Variants in ARHGAP29 observed in about 807,000 individuals in gnomAD.
ARHGAP29 encodes rho GTPase-activating protein 29.
ARHGAP29 carries 43 observed loss-of-function variants against 122.6 expected under a neutral mutation model. The ratio of observed to expected loss-of-function variants is 0.35; its 90% CI spans 0.27 to 0.45. ARHGAP29 has a LOEUF of 0.45. Ranked by LOEUF, ARHGAP29 falls within the 20% of genes least tolerant of loss-of-function variation. The pLI is 1.00. For missense variants in ARHGAP29, 1,303 were observed against 1,477.2 expected (o/e 0.88, Z 1.93); for synonymous variants, 506 against 497.1 (o/e 1.02, Z -0.24).
In ARHGAP29 at chr1:94,271,214, A is replaced by G. The variant is rs79431125; in HGVS notation, c.-33+3798T>C. Among the ~76,000 whole-genome samples the G allele has an allele frequency of 9.8e-3, 1,499 of 152,304 alleles. 23 individuals carry two copies. The highest frequency in any genetic ancestry group is 0.033 in the African/African-American group (1,384 of 41,560). On this transcript the variant is annotated intron_variant and NMD_transcript_variant, in intron 1 of 25. Transcript: ENST00000552844. ...TCAATTGCTTACCACATGGGTCTCT[A>G]TAGGAGAGCTTGCTATATGGCAGCT...
chr1:94,189,623 CT>C (rs1278190178), intron 13 of ARHGAP29, among the ~76,000 whole-genome samples: 1 of 152,070 alleles, frequency 6.6e-6, no homozygotes, highest in Non-Finnish European at 1.5e-5. Context: ...AGCATGACCT[CT>C]GTGAAAAACA....
chr1:94,183,790 T>C (rs1445958246), intron 19 of ARHGAP29, among the ~76,000 whole-genome samples: 2 of 152,192 alleles, frequency 1.3e-5, no homozygotes, highest in Non-Finnish European at 2.9e-5. Flanking sequence ...TAACAATACA[T>C]TGTTTAGGAA....
At chr1:94,177,382 TTATAA>T in intron 22 of ARHGAP29, 1 of 361,114 alleles carries the variant, frequency 2.8e-6, no homozygotes, top group Non-Finnish European at 5.0e-6. Context: ...ACAAAAAACA[TTATAA>T]ACTCCAAGAT....
chr1:94,217,872 A>AAAAAAAC (rs1557869206), intron 3 of ARHGAP29, among the ~76,000 whole-genome samples: 7 of 151,856 alleles, frequency 4.6e-5, no homozygotes, highest in East Asian at 3.9e-4. Flanking sequence ...AAAAAAAAAA[A>AAAAAAAC]ACTGAAACCT....
intron 19 of ARHGAP29, among the ~76,000 whole-genome samples, chr1:94,182,488 C>T (rs1649539644): frequency 6.6e-6 from 1 of 151,922 alleles, no homozygotes; most frequent in Non-Finnish European, 1.5e-5. Context: ...AATACACCCA[C>T]ATCAAAACAC....
At chr1:94,255,214 CAAG>C (rs1437377825) in intron 1 of ARHGAP29, among the ~76,000 whole-genome samples, 1 of 152,092 alleles carries the variant, frequency 6.6e-6, no homozygotes, top group East Asian at 1.9e-4. Context: ...AGTGTCTTTA[CAAG>C]AAGAGGTGAT....
In ARHGAP29 at chr1:94,208,256, A is replaced by G. The variant is rs1296615958; in HGVS notation, c.510+576T>C. Among the ~76,000 whole-genome samples, 3 of 152,134 alleles carry G rather than the reference A, an allele frequency of 2.0e-5. No homozygotes were observed. The East Asian group carries it at 5.8e-4, about 29-fold the overall frequency. Reference sequence around the variant, plus strand: ...GCTGGGACTATAGGCATGAGTCACTATACCTGGTCCCAAATATCTGTTGAA... The same window carrying G: ...GCTGGGACTATAGGCATGAGTCACTGTACCTGGTCCCAAATATCTGTTGAA... On this transcript the variant is annotated intron_variant, in intron 5 of 22. Coordinates refer to ENST00000260526, the MANE Select transcript of ARHGAP29 (RefSeq NM_004815.4).
At chr1:94,194,459 C>A (rs1403187803) in intron 12 of ARHGAP29, 1 of 152,096 alleles carries the variant, frequency 6.6e-6, no homozygotes, top group Non-Finnish European at 1.5e-5. Flanking sequence ...ACAAAAATAC[C>A]ACAGAGTGAC....
intron 1 of ARHGAP29, among the ~76,000 whole-genome samples, chr1:94,258,406 G>T (rs1043636062): frequency 6.6e-6 from 1 of 152,150 alleles, no homozygotes; most frequent in Non-Finnish European, 1.5e-5. Context: ...TTTTAAAATT[G>T]TCCAGGCCAA....
intron 19 of ARHGAP29, among the ~76,000 whole-genome samples, chr1:94,181,812 T>C (rs1026417421): frequency 6.6e-6 from 1 of 152,232 alleles, no homozygotes; most frequent in Non-Finnish European, 1.5e-5. Flanking sequence ...ACAAGCCACA[T>C]GTGGCTACTG....
intron 1 of ARHGAP29, among the ~76,000 whole-genome samples, chr1:94,232,977 C>T (rs1220966170): frequency 8.0e-5 from 12 of 149,198 alleles, no homozygotes; most frequent in East Asian, 2.0e-4. Flanking sequence ...CTGGGTCTCA[C>T]GCTATCACCC....
the ARHGAP29 span, among the ~76,000 whole-genome samples, chr1:94,314,173 A>G: frequency 2.0e-5 from 3 of 152,228 alleles, no homozygotes; most frequent in Non-Finnish European, 4.4e-5. Flanking sequence ...GAAGGCAGCA[A>G]GTTTGAACAC....
At chr1:94,283,633 A>C in the ARHGAP29 span, among the ~76,000 whole-genome samples, 7 of 152,196 alleles carry the variant, frequency 4.6e-5, no homozygotes, top group African/African-American at 1.7e-4. Flanking sequence ...TTATTATTGC[A>C]CTCAGTTTTT....
upstream of ARHGAP29, among the ~76,000 whole-genome samples, chr1:94,276,422 T>C (rs1183122452): frequency 6.7e-6 from 1 of 150,118 alleles, no homozygotes; most frequent in Non-Finnish European, 1.5e-5. Flanking sequence ...TGTTCATATA[T>C]AGAGCTGGTT....
chr1:94,174,265 C>A lies in ARHGAP29; in HGVS notation c.3390G>T (p.Glu1130Asp). 4.3e-6 allele frequency: 7 copies of A among 1,614,184 alleles called. No homozygotes were observed. The highest frequency in any genetic ancestry group is 5.1e-6 in the Non-Finnish European group (6 of 1,180,030). The change falls in exon 23 of 23, where the codon GAG becomes GAT. Residue 1130 changes from glutamate (E) to aspartate (D), a missense_variant. Coordinates refer to ENST00000260526, the MANE Select transcript of ARHGAP29 (RefSeq NM_004815.4). ...NATQPSKPYA[E>D]PVRSVREASE... is the part of the protein sequence containing the mutation. ...ATGCCTCTCTCACTGACCTGACTGG[C>A]TCTGCATATGGCTTACTGGGTTGAG...
At chr1:94,263,468 G>A (rs1433818708) in intron 1 of ARHGAP29, among the ~76,000 whole-genome samples, 2 of 151,974 alleles carry the variant, frequency 1.3e-5, no homozygotes, top group Non-Finnish European at 2.9e-5. Flanking sequence ...CTCTAACAAT[G>A]TTAGACATCA....
chr1:94,297,611 T>C, the ARHGAP29 span, among the ~76,000 whole-genome samples: 5 of 152,176 alleles, frequency 3.3e-5, no homozygotes, highest in African/African-American at 1.2e-4. Flanking sequence ...CTTAGCAACA[T>C]TGCTAAAGAA....
At chr1:94,182,951 A>C (rs2101379613) in intron 19 of ARHGAP29, among the ~76,000 whole-genome samples, 1 of 152,310 alleles carries the variant, frequency 6.6e-6, no homozygotes, top group East Asian at 1.9e-4. Context: ...AATCCAGTAC[A>C]AAATTATAGC....
chr1:94,279,606 A>C (rs952847609), upstream of ARHGAP29, among the ~76,000 whole-genome samples: 3 of 152,248 alleles, frequency 2.0e-5, no homozygotes, highest in African/African-American at 7.2e-5. Context: ...AAGTGGCCTG[A>C]GTAGGCCTTT....
Sources: allele counts gnomAD v4.1 joint callset (sites outside exome capture counted in the v4.1 genomes callset), GRCh38; gene constraint gnomAD v4.1.1; transcripts MANE v1.5; gene names NCBI Gene and HGNC (gene_info 2026-07-23, HGNC 2026-07-21).